Variants in ANK2 observed in about 807,000 individuals in gnomAD.
The protein encoded by ANK2 is ankyrin-2.
Under a neutral mutation model 360.5 loss-of-function variants are expected in ANK2, and 83 were observed. The observed-to-expected ratio is 0.23, with a 90% CI of 0.19 to 0.28. ANK2 has a LOEUF of 0.28. Among genes scored for constraint, ANK2 ranks in the 10% least tolerant of loss-of-function variants. The pLI, the probability that ANK2 is intolerant of heterozygous loss-of-function variation, is 1.00. For missense variants in ANK2, 4,201 were observed against 4,795.7 expected, an observed-to-expected ratio of 0.88 and a Z score of 3.66; for synonymous variants, 1,740 against 1,759.5, an observed-to-expected ratio of 0.99 and a Z score of 0.28.
At chr4:112,776,057 G>A in the ANK2 span, among the ~76,000 whole-genome samples, 1 of 152,160 alleles carries the variant, frequency 6.6e-6, no homozygotes, top group Non-Finnish European at 1.5e-5. Flanking sequence ...CCTAGGGAAC[G>A]TGTAGTGAGA....
At chr4:113,348,114 C>G (rs2095071420) in intron 35 of ANK2, 162 bp from the exon 36 acceptor site, 1 of 684,634 alleles carries the variant, frequency 1.5e-6, no homozygotes, top group East Asian at 2.7e-5. Context: ...TTCTGCCTGT[C>G]TTCTATAAAC....
intron 2 of ANK2, among the ~76,000 whole-genome samples, chr4:113,190,082 A>G (rs1262544733): frequency 1.3e-5 from 2 of 151,652 alleles, no homozygotes; most frequent in African/African-American, 4.8e-5. Context: ...TTACTGTAAA[A>G]AAAAACTTAA....
chr4:113,255,560 C>T (rs1342892578), intron 10 of ANK2, among the ~76,000 whole-genome samples, 175 bp from the exon 11 acceptor site: 2 of 152,062 alleles, frequency 1.3e-5, no homozygotes, highest in Admixed American at 6.6e-5. Context: ...TAAATTATCT[C>T]TTAGTGTTCA....
At chr4:112,874,996 A>G (rs550156361) in intron 1 of ANK2, among the ~76,000 whole-genome samples, 5 of 151,954 alleles carry the variant, frequency 3.3e-5, no homozygotes, top group Non-Finnish European at 7.4e-5. Context: ...TGCTTAGATG[A>G]ATGAAGGCCA....
chr4:113,170,036 C>A (rs2097889056), intron 1 of ANK2, among the ~76,000 whole-genome samples: 1 of 152,102 alleles, frequency 6.6e-6, no homozygotes, highest in Non-Finnish European at 1.5e-5. Context: ...GTTGTACAAA[C>A]TATTCTTAAT....
chr4:113,365,366 C>T (rs540392807), intron 41 of ANK2, among the ~76,000 whole-genome samples, 184 bp downstream of exon 41: 1 of 152,034 alleles, frequency 6.6e-6, no homozygotes, highest in Non-Finnish European at 1.5e-5. Flanking sequence ...TTTACACACC[C>T]TCCCACCTCC....
intron 12 of ANK2, 72 bp downstream of exon 12, chr4:113,258,220 T>G: frequency 6.4e-7 from 1 of 1,574,270 alleles, no homozygotes; most frequent in Non-Finnish European, 8.7e-7. Context: ...TTTTCTCATC[T>G]TCTGTCCTCT....
At chr4:113,202,276 T>C (rs903605330) in intron 4 of ANK2, among the ~76,000 whole-genome samples, 2 of 152,110 alleles carry the variant, frequency 1.3e-5, no homozygotes, top group Non-Finnish European at 2.9e-5. Context: ...TTTGAGTTCC[T>C]CCACAGATGT....
At chr4:112,764,713 T>TA in the ANK2 span, among the ~76,000 whole-genome samples, 1 of 151,692 alleles carries the variant, frequency 6.6e-6, no homozygotes, top group Non-Finnish European at 1.5e-5. Context: ...TTATCTTTTT[T>TA]TTTTTTTTTT....
At chr4:112,712,406 A>ATTT in the ANK2 span, among the ~76,000 whole-genome samples, 2 of 86,826 alleles carry the variant, frequency 2.3e-5, no homozygotes, top group Non-Finnish European at 4.2e-5. Flanking sequence ...ATATATATAT[A>ATTT]TTTTTTTTTT....
chr4:112,854,406 A>G (rs1019327540), intron 1 of ANK2, among the ~76,000 whole-genome samples: 1 of 152,194 alleles, frequency 6.6e-6, no homozygotes. Flanking sequence ...ACTGAAGATA[A>G]TGCAGGCCAG....
intron 1 of ANK2, among the ~76,000 whole-genome samples, chr4:113,170,298 A>G (rs978007503): frequency 1.3e-5 from 2 of 152,204 alleles, no homozygotes; most frequent in Non-Finnish European, 2.9e-5. Context: ...GCATCTGAGC[A>G]TATGTTAATA....
intron 14 of ANK2, among the ~76,000 whole-genome samples, chr4:113,273,663 T>C (rs1310196270): frequency 6.6e-6 from 1 of 152,222 alleles, no homozygotes; most frequent in African/African-American, 2.4e-5. Flanking sequence ...ATTTTCTTTT[T>C]ACAAGAGAAT....
At chr4:112,841,880 A>G (rs1387946530) in intron 1 of ANK2, among the ~76,000 whole-genome samples, 1 of 152,192 alleles carries the variant, frequency 6.6e-6, no homozygotes, top group Non-Finnish European at 1.5e-5. Flanking sequence ...TCCAAAAACA[A>G]ATTATTTTTA....
intron 1 of ANK2, among the ~76,000 whole-genome samples, chr4:113,139,749 C>A (rs1045320255): frequency 2.0e-5 from 3 of 152,122 alleles, no homozygotes; most frequent in South Asian, 4.1e-4. Context: ...CGTGGAGTAG[C>A]CTTCGGAAAG....
intron 1 of ANK2, among the ~76,000 whole-genome samples, chr4:113,107,222 T>A (rs1463382111): frequency 2.0e-5 from 3 of 147,558 alleles, no homozygotes; most frequent in African/African-American, 2.6e-5. Context: ...GCGTGTTAGA[T>A]TTTTTTTTTC....
the ANK2 span, among the ~76,000 whole-genome samples, chr4:112,784,988 C>T: frequency 6.6e-6 from 1 of 152,018 alleles, no homozygotes; most frequent in Non-Finnish European, 1.5e-5. Flanking sequence ...GATGCCGTGG[C>T]CAATAAAATA....
At chr4:113,362,168 A>G (rs2096262089) in intron 39 of ANK2, among the ~76,000 whole-genome samples, 1 of 152,192 alleles carries the variant, frequency 6.6e-6, no homozygotes, top group South Asian at 2.1e-4. Flanking sequence ...TGGAGGTTCC[A>G]TAATTTTATT....
In ANK2 at chr4:113,177,712, G is replaced by A. The variant is rs149869951; in HGVS notation, c.186+3195G>A. Among the ~76,000 whole-genome samples the A allele has an allele frequency of 4.6e-5, 7 of 152,230 alleles. No individual in the cohort carries two copies. The East Asian group carries it at 1.4e-3, about 29-fold the overall frequency. On this transcript the variant is annotated intron_variant, in intron 2 of 45. Coordinates refer to ENST00000357077, the MANE Select transcript of ANK2 (RefSeq NM_001148.6). ...AGTTAGCTTTTTCTTATAGTGGCCA[G>A]CCATCCACTAACATGTCACTATAAA...
Sources: gnomAD v4.1 joint callset for allele counts (sites outside exome capture counted in the v4.1 genomes callset) on GRCh38, gnomAD v4.1.1 for gene constraint, MANE v1.5 for transcripts, NCBI Gene and HGNC (gene_info 2026-07-23, HGNC 2026-07-21) for gene names.